JAZF1: variants seen among roughly 807,000 people sequenced by gnomAD.
The protein encoded by JAZF1 is JAZF zinc finger 1, also known as juxtaposed with another zinc finger protein 1.
Under a neutral mutation model 26.4 loss-of-function variants are expected in JAZF1, and 8 were observed. The observed-to-expected ratio is 0.30, with a 90% CI of 0.18 to 0.55. The LOEUF is 0.55. Ranked by LOEUF, JAZF1 falls within the 20% of genes least tolerant of loss-of-function variation. The pLI, the probability that JAZF1 is intolerant of heterozygous loss-of-function variation, is 0.94. For missense variants in JAZF1, 199 were observed against 322.0 expected (o/e 0.62, Z 2.92); for synonymous variants, 126 against 122.3 (o/e 1.03, Z -0.20).
At chr7:28,004,583 A>G (rs998458335) in intron 1 of JAZF1, among the ~76,000 whole-genome samples, 5 of 152,226 alleles carry the variant, frequency 3.3e-5, no homozygotes, top group African/African-American at 1.2e-4. Flanking sequence ...TAAAAAGGCA[A>G]TTGTGAAACT....
intron 1 of JAZF1, among the ~76,000 whole-genome samples, chr7:28,013,299 C>CAT (rs1266722984): frequency 6.6e-6 from 1 of 152,134 alleles, no homozygotes; most frequent in African/African-American, 2.4e-5. Flanking sequence ...CCAGACCTAG[C>CAT]ATAGGGCCTG....
chr7:27,982,308 G>GCGCATGGCTCAGAGGGTCCCA (rs1166384246), intron 2 of JAZF1, among the ~76,000 whole-genome samples: 7 of 101,308 alleles, frequency 6.9e-5, no homozygotes, highest in Admixed American at 2.3e-4. Flanking sequence ...ATTATATCCC[G>GCGCATGGCTCAGAGGGTCCCA]CGCATGGCTC....
At chr7:28,172,436 T>C (rs923072052) in intron 1 of JAZF1, among the ~76,000 whole-genome samples, 1 of 152,358 alleles carries the variant, frequency 6.6e-6, no homozygotes. Flanking sequence ...TGATACTCAT[T>C]AACCAGTTTG....
intron 1 of JAZF1, among the ~76,000 whole-genome samples, chr7:28,039,196 G>A (rs570257068): frequency 2.7e-3 from 417 of 152,230 alleles, no homozygotes; most frequent in Non-Finnish European, 4.7e-3. Flanking sequence ...GCTCCTCCAA[G>A]AACATTCTAA....
At chr7:27,990,858 A>C (rs1180179460) in intron 2 of JAZF1, among the ~76,000 whole-genome samples, 2 of 152,212 alleles carry the variant, frequency 1.3e-5, no homozygotes, top group African/African-American at 4.8e-5. Flanking sequence ...TATTATTGGT[A>C]ATGAAAAATT....
intron 1 of JAZF1, among the ~76,000 whole-genome samples, chr7:28,056,597 T>C (rs1030761353): frequency 5.9e-5 from 9 of 152,144 alleles, no homozygotes; most frequent in African/African-American, 2.2e-4. Flanking sequence ...ATGTCACAAG[T>C]GCTAAACTAG....
intron 1 of JAZF1, among the ~76,000 whole-genome samples, chr7:28,047,414 T>G (rs1046384205): frequency 1.3e-5 from 2 of 152,156 alleles, no homozygotes; most frequent in African/African-American, 4.8e-5. Context: ...GAATGTTACA[T>G]TAATTTGAAG....
chr7:28,066,981 C>A (rs529506467), intron 1 of JAZF1, among the ~76,000 whole-genome samples: 2 of 152,334 alleles, frequency 1.3e-5, no homozygotes, highest in South Asian at 4.1e-4. Flanking sequence ...TGGCACAGGG[C>A]TGGTCCCCAT....
intron 1 of JAZF1, among the ~76,000 whole-genome samples, chr7:27,995,312 G>A (rs966797949): frequency 6.6e-6 from 1 of 152,166 alleles, no homozygotes; most frequent in African/African-American, 2.4e-5. Flanking sequence ...AGCCACATGA[G>A]GCTCCTTAAG....
At chr7:27,954,911 C>T (rs1350264698) in intron 2 of JAZF1, among the ~76,000 whole-genome samples, 3 of 152,142 alleles carry the variant, frequency 2.0e-5, no homozygotes, top group Non-Finnish European at 2.9e-5. Context: ...GTATGCACCA[C>T]CATGCTCAGC....
intron 1 of JAZF1, among the ~76,000 whole-genome samples, chr7:28,012,569 G>T (rs1782816279): frequency 6.6e-6 from 1 of 152,214 alleles, no homozygotes. Flanking sequence ...CCCCTGGGCT[G>T]CCTCCTCTTA....
intron 1 of JAZF1, among the ~76,000 whole-genome samples, chr7:28,063,610 A>G (rs897243098): frequency 1.2e-4 from 19 of 152,166 alleles, no homozygotes; most frequent in African/African-American, 4.6e-4. Flanking sequence ...GTTTCATATC[A>G]CATCTATTTG....
At chr7:28,010,651 A>G (rs1325434018) in intron 1 of JAZF1, among the ~76,000 whole-genome samples, 1 of 152,218 alleles carries the variant, frequency 6.6e-6, no homozygotes, top group Admixed American at 6.5e-5. Context: ...CTGCCTTAAT[A>G]GTCAGGTATA....
At chr7:27,844,256 C>A (rs550508007) in intron 3 of JAZF1, 2 of 152,342 alleles carry the variant, frequency 1.3e-5, no homozygotes, top group East Asian at 1.9e-4. Context: ...GAAAGAAATA[C>A]CCTAAAACTA....
chr7:28,145,709 C>T (rs1783016795), intron 1 of JAZF1, among the ~76,000 whole-genome samples: 1 of 144,518 alleles, frequency 6.9e-6, no homozygotes, highest in South Asian at 2.2e-4. Flanking sequence ...TGGGTAACCA[C>T]CACCACAATA....
intron 3 of JAZF1, among the ~76,000 whole-genome samples, chr7:27,884,033 G>A (rs1409213916): frequency 6.6e-6 from 1 of 152,196 alleles, no homozygotes; most frequent in Non-Finnish European, 1.5e-5. Context: ...AATGCTATTT[G>A]CTAGTTCAAA....
rs573772957 is a variant in JAZF1 at position 27,866,121 on chromosome 7, C to T, written c.386-25254G>A. 3.9e-5 allele frequency among the ~76,000 whole-genome samples: 6 copies of T among 152,266 alleles called. No homozygotes were observed. The East Asian group carries it at 7.7e-4, about 20-fold the overall frequency. On this transcript the variant is annotated intron_variant, in intron 3 of 4. Coordinates refer to ENST00000283928, the MANE Select transcript of JAZF1 (RefSeq NM_175061.4). ...CTTCATCGAGTGAGGGCAGCACTGC[C>T]GGCACTGAAAGGATGGTGCTCTGTG... is the stretch of plus-strand genomic sequence containing the variant.
At chr7:27,925,491 A>G (rs1200913319) in intron 2 of JAZF1, among the ~76,000 whole-genome samples, 1 of 152,158 alleles carries the variant, frequency 6.6e-6, no homozygotes, top group Non-Finnish European at 1.5e-5. Context: ...TGGCAGTCAT[A>G]GCTCATTGCA....
intron 1 of JAZF1, among the ~76,000 whole-genome samples, chr7:28,106,634 T>C (rs929042041): frequency 9.2e-5 from 14 of 152,172 alleles, no homozygotes; most frequent in African/African-American, 3.4e-4. Flanking sequence ...TTCCCTCCAC[T>C]GCAAAGGAGA....
Sources: allele counts gnomAD v4.1 joint callset (sites outside exome capture counted in the v4.1 genomes callset), GRCh38; gene constraint gnomAD v4.1.1; transcripts MANE v1.5; gene names NCBI Gene and HGNC (gene_info 2026-07-23, HGNC 2026-07-21).